CACNA2D3: variants seen among roughly 807,000 people sequenced by gnomAD.
CACNA2D3 encodes the protein calcium voltage-gated channel auxiliary subunit alpha2delta 3.
A neutral mutation model predicts 160.6 loss-of-function variants in CACNA2D3; 60 were observed. That is an observed-to-expected ratio of 0.37 (90% CI 0.30 to 0.46). The LOEUF (loss-of-function observed/expected upper bound fraction) is 0.46. CACNA2D3 is among the 20% of genes least tolerant of loss of function. The pLI is 1.00. For missense variants in CACNA2D3, 1,205 were observed against 1,365.0 expected (o/e 0.88, Z 1.85); for synonymous variants, 558 against 492.9 (o/e 1.13, Z -1.75).
chr3:54,960,739 C>A (rs1702012523), intron 27 of CACNA2D3, among the ~76,000 whole-genome samples: 1 of 152,186 alleles, frequency 6.6e-6, no homozygotes, highest in Admixed American at 6.5e-5. Context: ...CAGTTTTGCC[C>A]AAATTAGTCC....
At chr3:54,807,618 T>G (rs1703167590) in intron 13 of CACNA2D3, among the ~76,000 whole-genome samples, 1 of 151,580 alleles carries the variant, frequency 6.6e-6, no homozygotes, top group Admixed American at 6.6e-5. Flanking sequence ...GACTGTAAAC[T>G]AGTTCAACCA....
intron 9 of CACNA2D3, among the ~76,000 whole-genome samples, chr3:54,586,062 A>T (rs529022236): frequency 2.0e-5 from 3 of 152,234 alleles, no homozygotes; most frequent in Admixed American, 6.5e-5. Flanking sequence ...CAGGAAATCG[A>T]GACCATCCTG....
chr3:54,984,970 A>C (rs1452882972), intron 30 of CACNA2D3, among the ~76,000 whole-genome samples: 1 of 152,212 alleles, frequency 6.6e-6, no homozygotes, highest in Admixed American at 6.5e-5. Context: ...TCTGTGCCAC[A>C]TAAAGAACTT....
intron 2 of CACNA2D3, among the ~76,000 whole-genome samples, chr3:54,241,802 A>G (rs903993657): frequency 6.6e-6 from 1 of 152,220 alleles, no homozygotes; most frequent in African/African-American, 2.4e-5. Context: ...TGGTGGTGGT[A>G]ACTGGTACAT....
At chr3:55,073,969 T>TTTCA in intron 37 of CACNA2D3, 110 bp downstream of exon 37, 3 of 1,100,080 alleles carry the variant, frequency 2.7e-6, no homozygotes, top group East Asian at 2.4e-5. Context: ...AAATAATCCC[T>TTTCA]TTCATTCAGT....
At chr3:54,618,374 T>TATATATATATATACAC in intron 9 of CACNA2D3, among the ~76,000 whole-genome samples, 2 of 54,582 alleles carry the variant, frequency 3.7e-5, no homozygotes, top group African/African-American at 1.1e-4. Context: ...TATATATATA[T>TATATATATATATACAC]GCACACACAC....
At chr3:54,681,639 G>A (rs543747656) in intron 11 of CACNA2D3, among the ~76,000 whole-genome samples, 4 of 152,008 alleles carry the variant, frequency 2.6e-5, no homozygotes, top group East Asian at 3.9e-4. Flanking sequence ...GGTTGGATCT[G>A]TGGAGAAAAG....
At chr3:54,927,941 C>A in intron 27 of CACNA2D3, 1 of 1,611,680 alleles carries the variant, frequency 6.2e-7, no homozygotes, top group Non-Finnish European at 8.5e-7. Flanking sequence ...TCCTTGCTGA[C>A]CTCGTAGACC....
At chr3:54,846,673 G>A in intron 17 of CACNA2D3, among the ~76,000 whole-genome samples, 1 of 152,256 alleles carries the variant, frequency 6.6e-6, no homozygotes, top group Middle Eastern at 3.4e-3. Flanking sequence ...TTACCATTAT[G>A]ATTTTGTATA....
At chr3:54,824,717 A>G (rs1460092244) in intron 14 of CACNA2D3, among the ~76,000 whole-genome samples, 1 of 151,916 alleles carries the variant, frequency 6.6e-6, no homozygotes, top group Non-Finnish European at 1.5e-5. Context: ...CCCTTATGGG[A>G]TTTTCCTGAG....
At chr3:54,533,638 T>A (rs927826602) in intron 5 of CACNA2D3, among the ~76,000 whole-genome samples, 2 of 152,168 alleles carry the variant, frequency 1.3e-5, no homozygotes, top group Admixed American at 6.5e-5. Flanking sequence ...CCCAGCCATC[T>A]GATGTGTTTT....
At position 54,297,607 on chromosome 3, in the gene CACNA2D3, G is replaced by C. The variant is rs191793359; in HGVS notation, c.205-22835G>C. 3.0e-3 allele frequency among the ~76,000 whole-genome samples: 449 copies of C among 152,082 alleles called. 2 individuals carry two copies. Among genetic ancestry groups the C allele is most frequent in the Non-Finnish European group, 5.5e-3 (377 of 67,994 alleles). On this transcript the variant is annotated intron_variant, in intron 2 of 37. Coordinates refer to ENST00000474759, the MANE Select transcript of CACNA2D3 (RefSeq NM_018398.3). ...CTGTTTTGAGTTTGCTGAATATGGT[G>C]GCAAGTAACTTTGAATTTGGACTGA...
chr3:54,583,180 A>T (rs188582092), intron 9 of CACNA2D3, among the ~76,000 whole-genome samples: 1 of 152,310 alleles, frequency 6.6e-6, no homozygotes, highest in East Asian at 1.9e-4. Context: ...AGCCTCAAAT[A>T]GGTGTTCCAT....
intron 34 of CACNA2D3, among the ~76,000 whole-genome samples, chr3:55,011,066 G>A (rs1243487127): frequency 2.0e-5 from 3 of 152,204 alleles, no homozygotes; most frequent in Non-Finnish European, 2.9e-5. Flanking sequence ...ACATAGGCTC[G>A]TTTTGCCGGA....
chr3:54,720,084 A>G (rs1701141938), intron 11 of CACNA2D3, among the ~76,000 whole-genome samples: 1 of 151,964 alleles, frequency 6.6e-6, no homozygotes, highest in African/African-American at 2.4e-5. Context: ...TGGATTTTCA[A>G]GAAGTAACTT....
At chr3:54,131,696 C>T (rs1420496437) in intron 2 of CACNA2D3, among the ~76,000 whole-genome samples, 6 of 152,094 alleles carry the variant, frequency 3.9e-5, no homozygotes, top group Non-Finnish European at 8.8e-5. Context: ...GTATGTTATG[C>T]ACATTTAGTG....
chr3:54,677,061 C>T (rs1700256228), intron 11 of CACNA2D3, among the ~76,000 whole-genome samples: 2 of 152,094 alleles, frequency 1.3e-5, no homozygotes, highest in African/African-American at 4.8e-5. Context: ...ATGTACGTGC[C>T]CTTGAGCACA....
intron 31 of CACNA2D3, among the ~76,000 whole-genome samples, chr3:55,002,021 TG>T (rs1293631719): frequency 6.6e-6 from 1 of 152,012 alleles, no homozygotes; most frequent in Non-Finnish European, 1.5e-5. Flanking sequence ...TTGGGTGTAG[TG>T]GCATGTGCCT....
At chr3:54,719,964 C>T (rs1701139577) in intron 11 of CACNA2D3, among the ~76,000 whole-genome samples, 1 of 151,796 alleles carries the variant, frequency 6.6e-6, no homozygotes, top group Non-Finnish European at 1.5e-5. Flanking sequence ...TTTCCTTTTT[C>T]ACATGTAAAA....
Sources: gnomAD v4.1 joint callset for allele counts (sites outside exome capture counted in the v4.1 genomes callset) on GRCh38, gnomAD v4.1.1 for gene constraint, MANE v1.5 for transcripts, NCBI Gene and HGNC (gene_info 2026-07-23, HGNC 2026-07-21) for gene names.